TMEM108: variants seen among roughly 807,000 people sequenced by gnomAD.
TMEM108 encodes cancer/testis antigen 124.
In TMEM108, 12 loss-of-function variants were observed where a neutral mutation model predicts 35.1. The observed-to-expected ratio is 0.34, with a 90% CI of 0.22 to 0.55. The LOEUF (loss-of-function observed/expected upper bound fraction) is 0.55, where lower values mean the gene tolerates loss of function less well. Ranked by LOEUF, TMEM108 falls within the 20% of genes least tolerant of loss-of-function variation. TMEM108 has a pLI of 0.89. For missense variants in TMEM108, 680 were observed against 753.3 expected, an observed-to-expected ratio of 0.90 and a Z score of 1.14; for synonymous variants, 287 against 308.6, an observed-to-expected ratio of 0.93 and a Z score of 0.73.
intron 2 of TMEM108, among the ~76,000 whole-genome samples, chr3:133,076,766 G>T (rs1943747490): frequency 6.6e-6 from 1 of 152,202 alleles, no homozygotes; most frequent in East Asian, 1.9e-4. Flanking sequence ...GAAGGCTTTG[G>T]CAATGGGCAG....
At chr3:133,199,541 C>G (rs1309886084) in intron 2 of TMEM108, among the ~76,000 whole-genome samples, 1 of 152,178 alleles carries the variant, frequency 6.6e-6, no homozygotes, top group Admixed American at 6.5e-5. Context: ...TTGGAGTTTG[C>G]TGGAGGTCCA....
At chr3:133,197,807 A>G (rs1945601637) in intron 2 of TMEM108, among the ~76,000 whole-genome samples, 2 of 152,220 alleles carry the variant, frequency 1.3e-5, no homozygotes. Flanking sequence ...CAAATTTCAG[A>G]AACTCAGACA....
chr3:133,221,499 G>C (rs967332737), intron 2 of TMEM108, among the ~76,000 whole-genome samples: 4 of 152,046 alleles, frequency 2.6e-5, no homozygotes, highest in African/African-American at 9.7e-5. Context: ...TAGGAGAAGG[G>C]TCTAATACAT....
chr3:133,287,759 A>G (rs1465321940), intron 3 of TMEM108, among the ~76,000 whole-genome samples: 2 of 152,206 alleles, frequency 1.3e-5, no homozygotes, highest in Admixed American at 1.3e-4. Context: ...AAAAGTTTTT[A>G]GTTAGGGCCT....
At chr3:133,180,663 C>T (rs996538187) in intron 2 of TMEM108, among the ~76,000 whole-genome samples, 2 of 151,990 alleles carry the variant, frequency 1.3e-5, no homozygotes, top group Non-Finnish European at 2.9e-5. Context: ...GTAAAATGTT[C>T]CCATGAGTTG....
chr3:133,107,455 G>GGTATGT (rs1553734622), intron 2 of TMEM108, among the ~76,000 whole-genome samples: 6 of 143,502 alleles, frequency 4.2e-5, no homozygotes, highest in Admixed American at 1.4e-4. Flanking sequence ...AAGTGTATGT[G>GGTATGT]GTGTGTGTGT....
At chr3:133,328,300 T>C (rs2071355201) in intron 3 of TMEM108, among the ~76,000 whole-genome samples, 1 of 152,168 alleles carries the variant, frequency 6.6e-6, no homozygotes, top group Admixed American at 6.5e-5. Flanking sequence ...TGTCATGACC[T>C]TCCGATCACA....
At chr3:133,386,633 G>C in intron 4 of TMEM108, 1 of 1,420,684 alleles carries the variant, frequency 7.0e-7, no homozygotes, top group South Asian at 1.6e-5. Context: ...ACCTCCTCCA[G>C]AGTCTTGATG....
At chr3:133,062,011 A>G (rs907871049) in intron 2 of TMEM108, among the ~76,000 whole-genome samples, 1 of 152,228 alleles carries the variant, frequency 6.6e-6, no homozygotes. Context: ...TTCATTGGCA[A>G]TTAATTAGGT....
chr3:133,370,871 A>AGTGTGTTTGTGTGT (rs2072641529), intron 3 of TMEM108, among the ~76,000 whole-genome samples: 1 of 125,466 alleles, frequency 8.0e-6, no homozygotes, highest in Non-Finnish European at 1.7e-5. Flanking sequence ...CCCAGCCCAT[A>AGTGTGTTTGTGTGT]GTGTGTGTGT....
chr3:133,165,794 A>G (rs73007500), intron 2 of TMEM108, among the ~76,000 whole-genome samples: 2,133 of 152,302 alleles, frequency 0.014, 62 homozygotes, highest in African/African-American at 0.048. Context: ...GGGGGCTATG[A>G]ATATTCATGA....
chr3:133,261,196 G>A (rs1174651342), intron 3 of TMEM108, among the ~76,000 whole-genome samples: 2 of 152,116 alleles, frequency 1.3e-5, no homozygotes, highest in Non-Finnish European at 2.9e-5. Context: ...TATCTGCTAG[G>A]CATAGATAAG....
chr3:133,069,208 A>G (rs1433577349), intron 2 of TMEM108, among the ~76,000 whole-genome samples: 1 of 152,184 alleles, frequency 6.6e-6, no homozygotes, highest in Non-Finnish European at 1.5e-5. Flanking sequence ...TAAGAATGCA[A>G]TTTCTTTACA....
intron 2 of TMEM108, among the ~76,000 whole-genome samples, chr3:133,187,946 C>T (rs138978657): frequency 1.3e-5 from 2 of 150,082 alleles, no homozygotes; most frequent in East Asian, 3.9e-4. Context: ...AATCTGATAC[C>T]TCATGTACCT....
chr3:133,211,118 A>G (rs1490844946), intron 2 of TMEM108, among the ~76,000 whole-genome samples: 3 of 152,196 alleles, frequency 2.0e-5, no homozygotes, highest in Admixed American at 2.0e-4. Context: ...AAAAAATTAA[A>G]ATTTATTAAT....
chr3:133,187,446 AT>A lies in TMEM108; in HGVS notation c.-46-41818del. Among the ~76,000 whole-genome samples, 4 of 152,180 alleles carry A rather than the reference AT, an allele frequency of 2.6e-5. No individual in the cohort carries two copies. The East Asian group carries it at 7.7e-4, about 29-fold the overall frequency. ...GAGTCTCCAAGGCTGTCACTAACTG[AT>A]TAGCATAAAAAGTGGTCTTGGGCCG... On this transcript the variant is annotated intron_variant, in intron 2 of 5. Transcript: ENST00000321871.
In TMEM108 at chr3:133,338,403, A is replaced by G. The variant is rs573103901; in HGVS notation, c.41-41349A>G. 2.0e-5 allele frequency among the ~76,000 whole-genome samples: 3 copies of G among 152,300 alleles called. No homozygotes were observed. In the East Asian group the frequency reaches 5.8e-4, roughly 29 times the overall value. ...ACAGGCCAAGAGAGAGTGGCATGAC[A>G]TATTTAAAGTACTGAAGGAAAAAAC... On this transcript the variant is annotated intron_variant, in intron 3 of 5. Coordinates refer to ENST00000321871, the MANE Select transcript of TMEM108 (RefSeq NM_023943.4).
At chr3:133,299,833 C>G (rs1947194857) in intron 3 of TMEM108, among the ~76,000 whole-genome samples, 1 of 152,102 alleles carries the variant, frequency 6.6e-6, no homozygotes, top group Non-Finnish European at 1.5e-5. Flanking sequence ...ACATCTGTTC[C>G]CCATTCTTCC....
At chr3:133,085,132 C>T (rs746025779) in intron 2 of TMEM108, among the ~76,000 whole-genome samples, 3 of 152,200 alleles carry the variant, frequency 2.0e-5, no homozygotes, top group Non-Finnish European at 2.9e-5. Flanking sequence ...AATCTCATCT[C>T]TGCAAATTAT....
Sources: gnomAD v4.1 joint callset for allele counts (sites outside exome capture counted in the v4.1 genomes callset) on GRCh38, gnomAD v4.1.1 for gene constraint, MANE v1.5 for transcripts, NCBI Gene and HGNC (gene_info 2026-07-23, HGNC 2026-07-21) for gene names.